The following CNTNAP4 variants were observed in gnomAD, a reference collection of about 807,000 sequenced individuals.
CNTNAP4 encodes contactin-associated protein-like 4.
A neutral mutation model predicts 148.4 loss-of-function variants in CNTNAP4; 98 were observed. The observed-to-expected ratio is 0.66, with a 90% CI of 0.56 to 0.78. CNTNAP4 has a LOEUF of 0.78. Among genes scored for constraint, CNTNAP4 ranks in the 30% least tolerant of loss-of-function variants. The probability of loss-of-function intolerance (pLI) is 0.00; values close to 1 mark genes in which losing one functional copy is unlikely to be tolerated. For synonymous variants in CNTNAP4, 730 were observed against 565.1 expected (o/e 1.29, Z -4.14); for missense variants, 1,935 against 1,565.6 (o/e 1.24, Z -3.98).
At chr16:76,499,847 C>G (rs1351944428) in intron 15 of CNTNAP4, among the ~76,000 whole-genome samples, 2 of 152,010 alleles carry the variant, frequency 1.3e-5, no homozygotes, top group African/African-American at 4.8e-5. Flanking sequence ...GTGGACACAG[C>G]ACATGTTTCA....
At chr16:76,500,019 C>G (rs889631867) in intron 15 of CNTNAP4, among the ~76,000 whole-genome samples, 3 of 152,170 alleles carry the variant, frequency 2.0e-5, no homozygotes, top group African/African-American at 7.2e-5. Context: ...TCCCCCTTTT[C>G]TATTCGACAA....
At chr16:76,320,672 A>C (rs116506900) in intron 2 of CNTNAP4, among the ~76,000 whole-genome samples, 35 of 152,304 alleles carry the variant, frequency 2.3e-4, no homozygotes, top group African/African-American at 7.2e-4. Flanking sequence ...AGTGTTGTCA[A>C]TGTAGAGTTC....
In CNTNAP4 at chr16:76,350,246, T is replaced by C. The variant is rs1965259565; in HGVS notation, c.197-5072T>C. 2.6e-5 allele frequency among the ~76,000 whole-genome samples: 4 copies of C among 152,280 alleles called. No homozygotes were observed. In the South Asian group the frequency reaches 8.3e-4, roughly 32 times the overall value. On this transcript the variant is annotated intron_variant, in intron 2 of 23. Coordinates refer to ENST00000611870, the MANE Select transcript of CNTNAP4 (RefSeq NM_033401.5). ...GATATGTAAAGTGACATCCTCCCAC[T>C]GATTAAAATAGTATTAAAAATAAGT...
intron 3 of CNTNAP4, among the ~76,000 whole-genome samples, chr16:76,366,078 T>G (rs1391894415): frequency 1.3e-5 from 2 of 152,196 alleles, no homozygotes; most frequent in African/African-American, 4.8e-5. Context: ...GACTTTAAGT[T>G]TTTTTATCTT....
rs548988001 is a variant in CNTNAP4 at position 76,328,801 on chromosome 16, G to A, written c.196+12278G>A. On this transcript the variant is annotated intron_variant, in intron 2 of 23. Transcript: ENST00000611870. ...GCTGGGACTACAGGCGCCTGCCACC[G>A]CACCTGGCTAATTTTGTATTTTTAG... Among the ~76,000 whole-genome samples the A allele has an allele frequency of 7.4e-4, 113 of 152,020 alleles. 1 individual carries two copies. The highest frequency in any genetic ancestry group is 2.5e-3 in the African/African-American group (104 of 41,498).
rs1958518658 is a variant in CNTNAP4 at position 76,277,472 on chromosome 16, G to C, written c.-191G>C. 1.1e-5 allele frequency: 6 copies of C among 571,106 alleles called. No individual in the cohort carries two copies. The highest frequency in any genetic ancestry group is 1.9e-5 in the Non-Finnish European group (6 of 321,620). The allele number at this position is 571,106 out of a possible 1,614,324, so 35.4% of individuals were successfully genotyped here. A position where few individuals can be genotyped will look rare whatever the true frequency, so the allele number is the denominator to read the frequency against. ...AAAGAGAGAGACAGAGACGGGGAGAGAGAGAGGGAGAGAGAAGAGAGGGAG... is the reference window on the plus strand; with the variant it reads ...AAAGAGAGAGACAGAGACGGGGAGACAGAGAGGGAGAGAGAAGAGAGGGAG... On this transcript the variant is annotated 5_prime_UTR_variant, in exon 1 of 24. Transcript: ENST00000611870.
chr16:76,345,175 A>G (rs1964800997), intron 2 of CNTNAP4, among the ~76,000 whole-genome samples: 2 of 152,144 alleles, frequency 1.3e-5, no homozygotes, highest in South Asian at 4.2e-4. Flanking sequence ...TCTTTTGGCT[A>G]ATGGATGCAG....
intron 4 of CNTNAP4, among the ~76,000 whole-genome samples, chr16:76,433,361 C>T (rs2079685301): frequency 6.6e-6 from 1 of 152,086 alleles, no homozygotes; most frequent in Admixed American, 6.6e-5. Context: ...TGTTTAATTG[C>T]TTCAATGCAG....
intron 3 of CNTNAP4, among the ~76,000 whole-genome samples, chr16:76,419,641 G>A (rs992797841): frequency 6.6e-6 from 1 of 151,950 alleles, no homozygotes; most frequent in Admixed American, 6.6e-5. Flanking sequence ...GGATGGTCCC[G>A]TCCCTCTAGA....
chr16:76,508,124 C>G lies in CNTNAP4; in HGVS notation c.2365+9430C>G, dbSNP rs1390849570. On this transcript the variant is annotated intron_variant, in intron 15 of 23. Transcript: ENST00000611870. ...GTGTTCCTGATAACTAATGTATTAC[C>G]TATTGCACAAAAGATAATCAATGAA... 2.1e-5 allele frequency among the ~76,000 whole-genome samples: 2 copies of G among 97,424 alleles called. 1 individual carries two copies. Among genetic ancestry groups the G allele is most frequent in the Non-Finnish European group, 5.8e-5 (2 of 34,376 alleles). 63.9% of individuals were successfully genotyped at this position (97,424 alleles called of 152,430 possible). A position where few individuals can be genotyped will look rare whatever the true frequency, so the allele number is the denominator to read the frequency against.
intron 6 of CNTNAP4, among the ~76,000 whole-genome samples, chr16:76,449,295 A>G (rs531008270): frequency 2.9e-4 from 44 of 152,316 alleles, no homozygotes; most frequent in African/African-American, 1.1e-3. Flanking sequence ...GTTCTAGGGT[A>G]TTTGTGAGCA....
At chr16:76,431,535 C>T (rs953998796) in intron 4 of CNTNAP4, among the ~76,000 whole-genome samples, 4 of 152,082 alleles carry the variant, frequency 2.6e-5, no homozygotes, top group East Asian at 3.9e-4. Flanking sequence ...AAAAATTAGC[C>T]GGGCGTGGCA....
chr16:76,307,040 A>G (rs1008984508), intron 1 of CNTNAP4, among the ~76,000 whole-genome samples: 6 of 152,184 alleles, frequency 3.9e-5, no homozygotes, highest in Admixed American at 6.5e-5. Flanking sequence ...TTTGATTACA[A>G]TAGATGGTTA....
At chr16:76,503,018 CTTTTCGTTTTG>C (rs1656459207) in intron 15 of CNTNAP4, among the ~76,000 whole-genome samples, 1 of 151,998 alleles carries the variant, frequency 6.6e-6, no homozygotes, top group Non-Finnish European at 1.5e-5. Context: ...TCAAAGCTTT[CTTTTCGTTTTG>C]TTTTCAATTT....
chr16:76,288,127 G>T (rs941550880), intron 1 of CNTNAP4, among the ~76,000 whole-genome samples: 1 of 152,006 alleles, frequency 6.6e-6, no homozygotes, highest in African/African-American at 2.4e-5. Context: ...TACTGTTCTT[G>T]TTATAGTGAA....
At chr16:76,380,249 A>C (rs1315727120) in intron 3 of CNTNAP4, among the ~76,000 whole-genome samples, 1 of 152,184 alleles carries the variant, frequency 6.6e-6, no homozygotes, top group African/African-American at 2.4e-5. Context: ...AAATCAGGTG[A>C]AGTTGAAGAA....
Position 76,427,544 on chromosome 16 carries a change from A to G in CNTNAP4, c.483A>G (p.Glu161=), listed in dbSNP as rs778276845. The G allele has an allele frequency of 1.5e-5, 25 of 1,613,040 alleles. No homozygotes were observed. Among genetic ancestry groups the G allele is most frequent in the Non-Finnish European group, 2.0e-5 (23 of 1,179,412 alleles). The change falls in exon 4 of 24, where the codon GAA becomes GAG. Residue 161 remains glutamate, a synonymous_variant. Coordinates refer to ENST00000611870, the MANE Select transcript of CNTNAP4 (RefSeq NM_033401.5). Reference sequence around the variant, plus strand: ...GATTTCTGCGCTTCATCCCTTTGGAATGGAACCCCAAGGGCAGAATTGGAA... The same window carrying G: ...GATTTCTGCGCTTCATCCCTTTGGAGTGGAACCCCAAGGGCAGAATTGGAA... ...KARFLRFIPL[E]WNPKGRIGMR...
chr16:76,333,793 T>G (rs1322378728), intron 2 of CNTNAP4, among the ~76,000 whole-genome samples: 3 of 148,060 alleles, frequency 2.0e-5, no homozygotes, highest in Non-Finnish European at 3.0e-5. Flanking sequence ...TTTTTTTTTT[T>G]TTTTTTTTTT....
chr16:76,531,029 G>T (rs1051734973), intron 17 of CNTNAP4, among the ~76,000 whole-genome samples: 1 of 152,060 alleles, frequency 6.6e-6, no homozygotes, highest in African/African-American at 2.4e-5. Context: ...GTTTTTCTTT[G>T]CCATAGTGTC....
Sources: allele counts gnomAD v4.1 joint callset (sites outside exome capture counted in the v4.1 genomes callset), GRCh38; gene constraint gnomAD v4.1.1; transcripts MANE v1.5; gene names NCBI Gene and HGNC (gene_info 2026-07-23, HGNC 2026-07-21).